RUNX1T1: variants seen among roughly 807,000 people sequenced by gnomAD.
RUNX1T1 encodes protein CBFA2T1.
In RUNX1T1, 4 loss-of-function variants were observed where a neutral mutation model predicts 62.8. The observed-to-expected ratio is 0.06, with a 90% CI of 0.03 to 0.15. RUNX1T1 has a LOEUF of 0.15. RUNX1T1 is among the 10% of genes least tolerant of loss of function. The pLI is 1.00. For synonymous variants in RUNX1T1, 291 were observed against 286.0 expected (o/e 1.02, Z -0.18); for missense variants, 508 against 754.3 (o/e 0.67, Z 3.82).
chr8:92,043,892 C>T lies in RUNX1T1; in HGVS notation c.7+18654G>A, dbSNP rs575388506. The stretch of plus-strand genomic sequence containing the variant: ...ACCTGGGAGGCTGAGGCAGGAGAAT[C>T]GCTTGAACCCAGGAGGCAGAGGTTG... On this transcript the variant is annotated intron_variant, in intron 1 of 10. Coordinates refer to ENST00000396218, the Ensembl canonical transcript of RUNX1T1. Among the ~76,000 whole-genome samples, 7 of 150,676 alleles carry T rather than the reference C, an allele frequency of 4.6e-5. No homozygotes were observed. In the East Asian group the frequency reaches 1.2e-3, roughly 25 times the overall value.
chr8:92,092,280 A>G (rs1041205819), intron 1 of RUNX1T1, among the ~76,000 whole-genome samples: 1 of 152,228 alleles, frequency 6.6e-6, no homozygotes, highest in Non-Finnish European at 1.5e-5. Context: ...TTAAAATTAG[A>G]TAATTTTAAA....
chr8:91,968,209 G>C (rs1400435556), intron 10 of RUNX1T1, among the ~76,000 whole-genome samples: 1 of 152,056 alleles, frequency 6.6e-6, no homozygotes, highest in Non-Finnish European at 1.5e-5. Flanking sequence ...ACGATCATCT[G>C]ATCAGATGAA....
At chr8:92,006,714 A>C (rs1820856660) in intron 4 of RUNX1T1, 1 of 145,104 alleles carries the variant, frequency 6.9e-6, no homozygotes, top group South Asian at 2.2e-4. Flanking sequence ...CAGAGTGTGG[A>C]GGTTTGTTAC....
At chr8:91,969,263 A>G (rs1812271492) in intron 10 of RUNX1T1, among the ~76,000 whole-genome samples, 6 of 152,238 alleles carry the variant, frequency 3.9e-5, no homozygotes, top group Admixed American at 3.9e-4. Context: ...GAAGGAATAC[A>G]GCATGTTACT....
intron 2 of RUNX1T1, 117 bp downstream of exon 2, chr8:92,075,848 C>A: frequency 1.2e-6 from 1 of 866,018 alleles, no homozygotes; most frequent in Admixed American, 2.6e-5. Flanking sequence ...ATAGAACAGG[C>A]ACTAGAAGAA....
intron 1 of RUNX1T1, among the ~76,000 whole-genome samples, chr8:92,050,686 T>C (rs1038104151): frequency 1.3e-5 from 2 of 152,202 alleles, no homozygotes; most frequent in African/African-American, 2.4e-5. Flanking sequence ...GGTGCGTCAA[T>C]GGATTTAAAG....
chr8:92,018,089 C>A lies in RUNX1T1; in HGVS notation c.8-726G>T, dbSNP rs530582505. Among the ~76,000 whole-genome samples, 4 of 152,272 alleles carry A rather than the reference C, an allele frequency of 2.6e-5. No individual in the cohort carries two copies. In the South Asian group the frequency reaches 8.3e-4, roughly 32 times the overall value. On this transcript the variant is annotated intron_variant, in intron 1 of 10. Coordinates refer to ENST00000396218, the Ensembl canonical transcript of RUNX1T1. ...GTCCCAAACAGAGAACTAAAAAGAA[C>A]TAGACACTGCTAATATTTTTTTCAT...
At chr8:92,095,063 G>C in intron 1 of RUNX1T1, 2 of 1,535,612 alleles carry the variant, frequency 1.3e-6, no homozygotes, top group Non-Finnish European at 1.7e-6. Context: ...GAGGTGATGG[G>C]AGATAGCGTC....
intron 2 of RUNX1T1, among the ~76,000 whole-genome samples, chr8:92,074,972 C>A (rs557407325): frequency 1.9e-3 from 292 of 152,072 alleles, no homozygotes; most frequent in African/African-American, 6.8e-3. Flanking sequence ...GAAAAAAAAA[C>A]AACAACTTTA....
At chr8:92,089,822 CTT>C (rs1160858347) in intron 1 of RUNX1T1, among the ~76,000 whole-genome samples, 1 of 147,048 alleles carries the variant, frequency 6.8e-6, no homozygotes, top group Non-Finnish European at 1.5e-5. Context: ...CATAATGGCT[CTT>C]CTTTATGATG....
intron 1 of RUNX1T1, chr8:92,062,516 C>G (rs1240047626): frequency 1.9e-6 from 3 of 1,610,632 alleles, no homozygotes; most frequent in African/African-American, 2.7e-5. Context: ...ATTGGAAAAA[C>G]AGAGAGAACA....
At chr8:92,076,285 G>T (rs2130779770) in intron 1 of RUNX1T1, 148 bp from the exon 2 acceptor site, 5 of 524,826 alleles carry the variant, frequency 9.5e-6, no homozygotes, top group Non-Finnish European at 1.4e-5. Flanking sequence ...AATTTTAGAA[G>T]AATCCAAAAC....
intron 1 of RUNX1T1, among the ~76,000 whole-genome samples, chr8:92,049,123 T>C (rs1473926118): frequency 6.6e-6 from 1 of 152,166 alleles, no homozygotes; most frequent in African/African-American, 2.4e-5. Flanking sequence ...GTCTCTGTAT[T>C]TGCGGCATCC....
At chr8:92,043,822 C>T (rs960751017) in intron 1 of RUNX1T1, among the ~76,000 whole-genome samples, 5 of 151,560 alleles carry the variant, frequency 3.3e-5, no homozygotes, top group East Asian at 2.0e-4. Context: ...ACTAAAAATA[C>T]AAAAAATTAG....
In RUNX1T1 at chr8:92,075,422, TTAAGA is replaced by T. The variant is rs565145938; in HGVS notation, c.88+538_88+542del. Among the ~76,000 whole-genome samples the T allele has an allele frequency of 4.2e-3, 636 of 152,344 alleles. 3 individuals carry two copies. The highest frequency in any genetic ancestry group is 6.9e-3 in the Non-Finnish European group (467 of 68,028). On this transcript the variant is annotated intron_variant, in intron 2 of 11. Transcript: ENST00000265814. ...AGTTTATATTTGCTGTTTTCCTAAA[TTAAGA>T]TATCACCTTTTTTCTTAATGTGTCT...
chr8:91,977,468 T>C (rs531385383), intron 8 of RUNX1T1: 1 of 192,478 alleles, frequency 5.2e-6, no homozygotes, highest in East Asian at 8.3e-5. Context: ...AACTGCTGCA[T>C]AAACAACCTA....
intron 5 of RUNX1T1, among the ~76,000 whole-genome samples, chr8:91,997,692 C>T (rs1462380665): frequency 1.3e-5 from 2 of 152,120 alleles, no homozygotes; most frequent in Non-Finnish European, 2.9e-5. Context: ...CTCCTTCTTG[C>T]CCCAGGATAC....
At chr8:92,095,721 G>C (rs1007958206) in intron 1 of RUNX1T1, 2 of 619,978 alleles carry the variant, frequency 3.2e-6, no homozygotes, top group African/African-American at 3.7e-5. Flanking sequence ...CCCCAGGATG[G>C]GGCCAGAAAG....
chr8:92,026,876 G>A (rs528415750), intron 1 of RUNX1T1, among the ~76,000 whole-genome samples: 3 of 150,944 alleles, frequency 2.0e-5, no homozygotes, highest in Non-Finnish European at 4.4e-5. Context: ...CCAGCACTTT[G>A]GGAGGCCGAG....
Sources: allele counts gnomAD v4.1 joint callset (sites outside exome capture counted in the v4.1 genomes callset), GRCh38; gene constraint gnomAD v4.1.1; transcripts MANE v1.5; gene names NCBI Gene and HGNC (gene_info 2026-07-23, HGNC 2026-07-21).